The following MYO9B variants were observed in gnomAD, a reference collection of about 807,000 sequenced individuals.
MYO9B encodes the protein myosin IXB, also known as unconventional myosin-IXb.
Under a neutral mutation model 229.5 loss-of-function variants are expected in MYO9B, and 71 were observed. The ratio of observed to expected loss-of-function variants is 0.31; its 90% CI spans 0.26 to 0.38. MYO9B has a LOEUF of 0.38. MYO9B is among the 10% of genes least tolerant of loss of function. The pLI is 1.00. For missense variants in MYO9B, 2,255 were observed against 2,920.5 expected, an observed-to-expected ratio of 0.77 and a Z score of 5.25; for synonymous variants, 1,185 against 1,235.8, an observed-to-expected ratio of 0.96 and a Z score of 0.86.
intron 3 of MYO9B, among the ~76,000 whole-genome samples, chr19:17,150,165 C>T (rs1221794419): frequency 1.3e-5 from 2 of 152,224 alleles, no homozygotes; most frequent in Non-Finnish European, 2.9e-5. Flanking sequence ...AATCCCAGCA[C>T]TTTGGGGGAG....
At chr19:17,184,660 A>C in intron 16 of MYO9B, 5 of 543,560 alleles carry the variant, frequency 9.2e-6, no homozygotes, top group Non-Finnish European at 1.3e-5. Flanking sequence ...CCCTCCCGGA[A>C]CCAGCGCTGT....
At chr19:17,173,292 C>CTTTTT (rs748043333) in intron 13 of MYO9B, among the ~76,000 whole-genome samples, 1 of 83,822 alleles carries the variant, frequency 1.2e-5, no homozygotes, top group Admixed American at 1.3e-4. Context: ...CTGTCTTGCT[C>CTTTTT]TTTTTTTTTT....
chr19:17,164,009 C>G (rs951286767), intron 10 of MYO9B, among the ~76,000 whole-genome samples: 1 of 152,208 alleles, frequency 6.6e-6, no homozygotes, highest in Non-Finnish European at 1.5e-5. Context: ...AGTGGACTTG[C>G]TGGATCGTAT....
In MYO9B at chr19:17,211,992, A is replaced by G; in HGVS notation, c.6156A>G (p.Val2052=). ...CACGACGAAGGCCGTCGTCCTTCGT[A>G]ACGGTCAGAGTGAAGACCCCCCGGC... ...APPRRRPSSF[V]TVRVKTPRRT... is the part of the protein sequence containing the mutation. The change falls in exon 40 of 40, where the codon GTA becomes GTG. Residue 2052 remains valine, a synonymous_variant. Transcript: ENST00000682292. The G allele has an allele frequency of 6.8e-7, 1 of 1,473,360 alleles. No homozygotes were observed. The highest frequency in any genetic ancestry group is 1.9e-5 in the Admixed American group (1 of 53,828). 91.3% of individuals were successfully genotyped at this position (1,473,360 alleles called of 1,614,324 possible). A position where few individuals can be genotyped will look rare whatever the true frequency, so the allele number is the denominator to read the frequency against.
Position 17,210,722 on chromosome 19 carries a change from G to T in MYO9B, c.5804G>T (p.Ser1935Ile). Reference sequence around the variant, plus strand: ...CTTGCTTCTTTGTTTCAGAACAAGAGCCCCAAGACCCGGGACATCCAGGAG... The same window carrying T: ...CTTGCTTCTTTGTTTCAGAACAAGATCCCCAAGACCCGGGACATCCAGGAG... ...SSPYEGVLNK[S>I]PKTRDIQEEE... The change falls in exon 38 of 40, where the codon AGC becomes ATC. Residue 1935 changes from serine to isoleucine, a missense_variant. Physicochemically the swap from Ser to Ile is moderately radical, Grantham distance 142. Coordinates refer to ENST00000682292, the MANE Select transcript of MYO9B (RefSeq NM_004145.4). 1 of 1,546,580 alleles carries T rather than the reference G, an allele frequency of 6.5e-7. No individual in the cohort carries two copies. The highest frequency in any genetic ancestry group is 2.4e-5 in the East Asian group (1 of 41,022).
intron 2 of MYO9B, among the ~76,000 whole-genome samples, chr19:17,115,127 T>C (rs1442982733): frequency 2.6e-5 from 4 of 152,134 alleles, no homozygotes. Context: ...TAGCTGGGAC[T>C]ACAGCCACGT....
intron 10 of MYO9B, 120 bp from the exon 11 acceptor site, chr19:17,167,823 C>G (rs1056367086): frequency 3.0e-6 from 4 of 1,342,468 alleles, no homozygotes; most frequent in Middle Eastern, 1.9e-4. Context: ...AAAAAGTTTC[C>G]TATTTTGAAG....
intron 32 of MYO9B, 44 bp downstream of exon 32, chr19:17,206,196 C>G: frequency 6.2e-6 from 10 of 1,602,890 alleles, no homozygotes; most frequent in Non-Finnish European, 8.5e-6. Context: ...GCCCCAGGCA[C>G]AGCCGTCCTG....
intron 11 of MYO9B, among the ~76,000 whole-genome samples, chr19:17,169,371 CAA>C (rs58898086): frequency 4.5e-4 from 40 of 88,934 alleles, no homozygotes; most frequent in African/African-American, 5.4e-4. Context: ...GACTCTGTCT[CAA>C]AAAAAAAAAA....
chr19:17,173,403 C>T (rs1486776072), intron 13 of MYO9B, among the ~76,000 whole-genome samples: 1 of 149,244 alleles, frequency 6.7e-6, no homozygotes, highest in African/African-American at 2.5e-5. Flanking sequence ...CTCTTGGGTT[C>T]AAGCGATTCT....
intron 1 of MYO9B, among the ~76,000 whole-genome samples, chr19:17,093,927 GC>G (rs2057663816): frequency 6.6e-6 from 1 of 151,628 alleles, no homozygotes; most frequent in Non-Finnish European, 1.5e-5. Context: ...TGTGGCCCAG[GC>G]TGGTGTCAAA....
At chr19:17,125,742 G>A (rs746429576) in intron 2 of MYO9B, among the ~76,000 whole-genome samples, 5 of 152,260 alleles carry the variant, frequency 3.3e-5, no homozygotes, top group Non-Finnish European at 5.9e-5. Context: ...CATCCCTGCC[G>A]TCCGTCCATC....
intron 4 of MYO9B, among the ~76,000 whole-genome samples, chr19:17,153,317 T>C (rs2072500104): frequency 6.7e-6 from 1 of 149,772 alleles, no homozygotes; most frequent in African/African-American, 2.5e-5. Flanking sequence ...CTCTCATGCC[T>C]CAGCCTCCCG....
rs554547700 is a variant in MYO9B at position 17,211,248 on chromosome 19, T to C, written c.5931-399T>C. On this transcript the variant is annotated intron_variant, in intron 38 of 39. Coordinates refer to ENST00000682292, the MANE Select transcript of MYO9B (RefSeq NM_004145.4). ...CACCCACCTTGGCCTCCCAAAGTGT[T>C]GGGATTACAGGCGTGAGCCACCGCA... Among the ~76,000 whole-genome samples, 3 of 152,156 alleles carry C rather than the reference T, an allele frequency of 2.0e-5. No homozygotes were observed. The East Asian group carries it at 5.8e-4, about 30-fold the overall frequency.
At chr19:17,082,293 C>A (rs2057540626) in intron 1 of MYO9B, among the ~76,000 whole-genome samples, 4 of 152,120 alleles carry the variant, frequency 2.6e-5, no homozygotes, top group Admixed American at 2.6e-4. Context: ...GTGACGGGAG[C>A]CTGCCTGGCC....
chr19:17,211,933 A>ACCCCCCCCCCCCCCCCCC lies in MYO9B; in HGVS notation c.6101_6102insCCCCCCCCCCCCCCCCCC (p.Pro2034_Ser2035insProProProProProPro). ...TGCTCTCCCTTGCCCCGGCGCGCCC[A>ACCCCCCCCCCCCCCCCCC]CCCCGAGCCCCCTCCCCACCGTGGC... On this transcript the variant is annotated inframe_insertion, in exon 40 of 40. Coordinates refer to ENST00000682292, the MANE Select transcript of MYO9B (RefSeq NM_004145.4). The ACCCCCCCCCCCCCCCCCC allele has an allele frequency of 1.7e-6, 1 of 596,946 alleles. No individual in the cohort carries two copies. Among genetic ancestry groups the ACCCCCCCCCCCCCCCCCC allele is most frequent in the Non-Finnish European group, 2.3e-6 (1 of 437,200 alleles). The allele number at this position is 596,946 out of a possible 1,614,324, so 37.0% of individuals were successfully genotyped here. A position where few individuals can be genotyped will look rare whatever the true frequency, so the allele number is the denominator to read the frequency against.
chr19:17,152,753 A>T (rs151154920), intron 4 of MYO9B, 47 bp downstream of exon 4: 6 of 1,522,786 alleles, frequency 3.9e-6, no homozygotes, highest in Non-Finnish European at 5.4e-6. Context: ...CGCCATGTCT[A>T]CGTTTCCTCC....
Position 17,163,040 on chromosome 19 carries a change from A to G in MYO9B, c.1589A>G (p.Asn530Ser). The change falls in exon 10 of 40, where the codon AAC becomes AGC. Residue 530 changes from asparagine (N) to serine (S), a missense_variant. Asn to Ser is a conservative substitution (Grantham distance 46). Coordinates refer to ENST00000682292, the MANE Select transcript of MYO9B (RefSeq NM_004145.4). ...DIFGFEDFER[N>S]SFEQFCINYA... ...TTCGGGTTTGAAGACTTCGAGAGGA[A>G]CAGCTTTGAGCAGTTCTGCATCAAC... The G allele has an allele frequency of 6.2e-7, 1 of 1,604,914 alleles. No individual in the cohort carries two copies. Among genetic ancestry groups the G allele is most frequent in the South Asian group, 1.1e-5 (1 of 89,126 alleles).
chr19:17,173,759 T>C (rs1376698397), intron 13 of MYO9B, among the ~76,000 whole-genome samples: 1 of 152,124 alleles, frequency 6.6e-6, no homozygotes, highest in Non-Finnish European at 1.5e-5. Context: ...GATAGAAGGA[T>C]GGCAGAAAGC....
Sources: allele counts gnomAD v4.1 joint callset (sites outside exome capture counted in the v4.1 genomes callset), GRCh38; gene constraint gnomAD v4.1.1; transcripts MANE v1.5; gene names NCBI Gene and HGNC (gene_info 2026-07-23, HGNC 2026-07-21).